The following MSH3 variants were observed in gnomAD, a reference collection of about 807,000 sequenced individuals.
MSH3 encodes DNA mismatch repair protein Msh3.
In MSH3, 106 loss-of-function variants were observed where a neutral mutation model predicts 123.3. The ratio of observed to expected loss-of-function variants is 0.86; its 90% CI spans 0.73 to 1.01. The LOEUF (loss-of-function observed/expected upper bound fraction) is 1.01. Ranked by LOEUF, MSH3 falls within the 50% of genes least tolerant of loss-of-function variation. The pLI is 0.00. For synonymous variants in MSH3, 515 were observed against 481.4 expected, an observed-to-expected ratio of 1.07 and a Z score of -0.91; for missense variants, 1,459 against 1,347.6, an observed-to-expected ratio of 1.08 and a Z score of -1.29.
chr5:80,775,386 G>A (rs2112889846), intron 15 of MSH3, among the ~76,000 whole-genome samples: 1 of 152,168 alleles, frequency 6.6e-6, no homozygotes, highest in East Asian at 1.9e-4. Flanking sequence ...TAAGATAAGT[G>A]AGTATTAATA....
At chr5:80,872,300 A>G (rs1746227174) in intron 22 of MSH3, among the ~76,000 whole-genome samples, 1 of 151,334 alleles carries the variant, frequency 6.6e-6, no homozygotes, top group African/African-American at 2.4e-5. Flanking sequence ...CCAAAACCCC[A>G]TCTCTACAAA....
intron 20 of MSH3, among the ~76,000 whole-genome samples, chr5:80,829,473 C>T (rs763510615): frequency 1.3e-5 from 2 of 152,132 alleles, no homozygotes; most frequent in Non-Finnish European, 2.9e-5. Flanking sequence ...CAAATGCTTT[C>T]TATGCGTCTG....
chr5:80,689,031 A>G (rs755855212), intron 8 of MSH3, among the ~76,000 whole-genome samples: 1 of 152,208 alleles, frequency 6.6e-6, no homozygotes, highest in Non-Finnish European at 1.5e-5. Flanking sequence ...TGGTGCCTAA[A>G]TTAGGTGGGA....
At chr5:80,796,387 A>G (rs1229588403) in intron 19 of MSH3, among the ~76,000 whole-genome samples, 1 of 152,112 alleles carries the variant, frequency 6.6e-6, no homozygotes, top group Non-Finnish European at 1.5e-5. Flanking sequence ...GCACCTCAGA[A>G]TATTCCAGAA....
At chr5:80,841,207 A>T (rs1009778863) in intron 20 of MSH3, among the ~76,000 whole-genome samples, 1 of 152,166 alleles carries the variant, frequency 6.6e-6, no homozygotes, top group Non-Finnish European at 1.5e-5. Context: ...TTCCAGCTTC[A>T]TCCATGTTCC....
chr5:80,741,645 A>G (rs747039720), intron 11 of MSH3, 97 bp downstream of exon 11: 109 of 848,946 alleles, frequency 1.3e-4, no homozygotes, highest in Non-Finnish European at 2.1e-4. Context: ...GTGAAAATAT[A>G]GTGTCTTTAG....
intron 19 of MSH3, among the ~76,000 whole-genome samples, chr5:80,811,467 T>A (rs1390001838): frequency 1.3e-5 from 2 of 152,172 alleles, no homozygotes; most frequent in African/African-American, 4.8e-5. Flanking sequence ...TATTAATAGT[T>A]TATTAAGAAG....
chr5:80,764,536 A>ATT (rs62867161), intron 13 of MSH3, among the ~76,000 whole-genome samples: 2 of 131,076 alleles, frequency 1.5e-5, no homozygotes. Context: ...TTTTTTTTGC[A>ATT]TTTTTTTGTA....
intron 17 of MSH3, among the ~76,000 whole-genome samples, chr5:80,784,571 T>C (rs556322909): frequency 6.6e-6 from 1 of 152,276 alleles, no homozygotes; most frequent in African/African-American, 2.4e-5. Flanking sequence ...CCAATTACAC[T>C]CTTTAAGCCA....
intron 12 of MSH3, among the ~76,000 whole-genome samples, chr5:80,748,732 A>ACC (rs1554071397): frequency 4.5e-5 from 6 of 133,948 alleles, no homozygotes; most frequent in African/African-American, 1.4e-4. Context: ...ACACACACAC[A>ACC]CCCATATGTA....
chr5:80,820,570 G>A (rs1745188605), intron 20 of MSH3, among the ~76,000 whole-genome samples: 1 of 152,108 alleles, frequency 6.6e-6, no homozygotes, highest in African/African-American at 2.4e-5. Context: ...AATAAAAACT[G>A]TAATATAAAT....
intron 8 of MSH3, among the ~76,000 whole-genome samples, chr5:80,722,933 T>C (rs914853389): frequency 3.3e-5 from 5 of 151,974 alleles, no homozygotes; most frequent in Non-Finnish European, 5.9e-5. Context: ...GGCGAAACCC[T>C]GTATCTACTA....
intron 8 of MSH3, among the ~76,000 whole-genome samples, chr5:80,682,378 C>T (rs901419416): frequency 1.3e-5 from 2 of 151,904 alleles, no homozygotes; most frequent in Admixed American, 1.3e-4. Context: ...ATAGTACCTG[C>T]TGTAGAAGGC....
Position 80,672,331 on chromosome 5 carries a change from G to T in MSH3, c.880G>T (p.Val294Leu). ...SIPTHRLFVH[V>L]RRLVAKGYKV... is the part of the protein sequence containing the mutation. The stretch of plus-strand genomic sequence containing the variant: ...ACCTACTCACAGACTGTTTGTTCAT[G>T]TACGCCGCCTGGTGGCAAAAGGATA... Residue 294 changes from valine to leucine, a missense_variant, in exon 5 of 24, where the codon GTA (valine) becomes TTA (leucine). By Grantham distance (32) the Val-to-Leu change is conservative. Transcript: ENST00000265081. 1 of 1,613,842 alleles carries T rather than the reference G, an allele frequency of 6.2e-7. No homozygotes were observed. Among genetic ancestry groups the T allele is most frequent in the Non-Finnish European group, 8.5e-7 (1 of 1,179,800 alleles).
At chr5:80,770,371 A>T (rs1272905244) in intron 15 of MSH3, among the ~76,000 whole-genome samples, 1 of 151,818 alleles carries the variant, frequency 6.6e-6, no homozygotes, top group Non-Finnish European at 1.5e-5. Context: ...TTGTAAGACT[A>T]TTATGGAGAC....
chr5:80,861,893 A>G (rs1746018144), intron 21 of MSH3, among the ~76,000 whole-genome samples: 1 of 152,110 alleles, frequency 6.6e-6, no homozygotes, highest in African/African-American at 2.4e-5. Flanking sequence ...TTTTTCTTAC[A>G]GATCTAAAGA....
At chr5:80,858,030 T>C (rs1306546811) in intron 21 of MSH3, among the ~76,000 whole-genome samples, 2 of 152,066 alleles carry the variant, frequency 1.3e-5, no homozygotes, top group African/African-American at 4.8e-5. Flanking sequence ...TTTCTTTTTT[T>C]ATTCTTTCTT....
chr5:80,761,560 G>A lies in MSH3; in HGVS notation c.1778G>A (p.Arg593Gln), dbSNP rs764832633. The change falls in exon 13 of 24, where the codon CGG (arginine) becomes CAG (glutamine). Residue 593 changes from arginine to glutamine, a missense_variant. By Grantham distance (43) the Arg-to-Gln change is conservative. Transcript: ENST00000265081. ...TTTTCTCACAGGGAAATAAATGCCCGGCTTGATGCTGTATCGGAAGTTCTC... is the reference window on the plus strand; with the variant it reads ...TTTTCTCACAGGGAAATAAATGCCCAGCTTGATGCTGTATCGGAAGTTCTC... ...PLLKLREINARLDAVSEVLHS... is the reference protein window; with the variant it reads ...PLLKLREINAQLDAVSEVLHS... 68 of 1,613,990 alleles carry A rather than the reference G, an allele frequency of 4.2e-5. No individual in the cohort carries two copies. In the Middle Eastern group the frequency reaches 8.2e-4, roughly 20 times the overall value.
At chr5:80,655,067 G>GAGGAGGAAGGGGCGGGCTGA (rs1749231136) in intron 1 of MSH3, 103 bp downstream of exon 1, 2 of 652,150 alleles carry the variant, frequency 3.1e-6, no homozygotes, top group Admixed American at 3.7e-5. Flanking sequence ...GATAGGGCTG[G>GAGGAGGAAGGGGCGGGCTGA]AGGAGGAAGG....
Sources: gnomAD v4.1 joint callset for allele counts (sites outside exome capture counted in the v4.1 genomes callset) on GRCh38, gnomAD v4.1.1 for gene constraint, MANE v1.5 for transcripts, NCBI Gene and HGNC (gene_info 2026-07-23, HGNC 2026-07-21) for gene names.